The following STXBP2 variants were observed in gnomAD, a reference collection of about 807,000 sequenced individuals.
STXBP2 encodes syntaxin-binding protein 2.
A neutral mutation model predicts 72.2 loss-of-function variants in STXBP2; 47 were observed. The observed-to-expected ratio is 0.65, with a 90% CI of 0.51 to 0.83. STXBP2 has a LOEUF of 0.83. Ranked by LOEUF, STXBP2 falls within the 40% of genes least tolerant of loss-of-function variation. STXBP2 has a pLI of 0.00. For missense variants in STXBP2, 702 were observed against 807.6 expected (o/e 0.87, Z 1.58); for synonymous variants, 367 against 338.7 (o/e 1.08, Z -0.92).
chr19:7,639,603 G>T (rs978023758), intron 3 of STXBP2, 128 bp from the exon 4 acceptor site: 33 of 851,052 alleles, frequency 3.9e-5, no homozygotes, highest in Middle Eastern at 3.3e-4. Flanking sequence ...CCCTAAGTGG[G>T]TTTCTCCTGC....
intron 13 of STXBP2, 61 bp downstream of exon 13, chr19:7,643,306 G>A (rs1271737104): frequency 1.9e-6 from 3 of 1,556,688 alleles, no homozygotes; most frequent in South Asian, 2.3e-5. Flanking sequence ...TATTGGGGAG[G>A]GGCTGAACTG....
chr19:7,644,081 C>T (rs1412868071), intron 13 of STXBP2, among the ~76,000 whole-genome samples: 779 of 123,190 alleles, frequency 6.3e-3, no homozygotes, highest in Non-Finnish European at 7.7e-3. Flanking sequence ...AGGGGTGGAG[C>T]CTTGGAGAGC....
At chr19:7,637,002 G>A, upstream of STXBP2, 1 of 908,252 alleles carries the variant, frequency 1.1e-6, no homozygotes, top group Non-Finnish European at 1.4e-6. Context: ...AACTTCCTGG[G>A]CCTGGGCGAG....
chr19:7,640,839 G>A (rs757419517), intron 5 of STXBP2, 30 bp downstream of exon 5: 2 of 1,613,978 alleles, frequency 1.2e-6, no homozygotes, highest in South Asian at 1.1e-5. Context: ...GGTGTTGGTG[G>A]GTGGGGCAAG....
At chr19:7,637,271 T>C in intron 1 of STXBP2, 85 bp downstream of exon 1, 4 of 985,900 alleles carry the variant, frequency 4.1e-6, no homozygotes, top group Non-Finnish European at 4.8e-6. Context: ...CTGGGTTTCA[T>C]GGCGGCTGGG....
chr19:7,647,186 A>G lies in STXBP2; in HGVS notation c.1477A>G (p.Arg493Gly), dbSNP rs2032169960. Residue 493 changes from arginine to glycine, a missense_variant, in exon 17 of 19, where the codon AGG becomes GGG. By Grantham distance (125) the Arg-to-Gly change is moderately radical (BLOSUM62 -2). Coordinates refer to ENST00000221283, the MANE Select transcript of STXBP2 (RefSeq NM_006949.4). Reference protein sequence around the residue: ...MEDAVEDRLDRNLWPFVSDPA... With the variant: ...MEDAVEDRLDGNLWPFVSDPA... ...GGACGCCGTGGAGGACCGGCTGGAC[A>G]GGAACCTGTGGCCCTTCGTATCCGA... The G allele has an allele frequency of 6.2e-7, 1 of 1,612,018 alleles. No individual in the cohort carries two copies. Among genetic ancestry groups the G allele is most frequent in the Non-Finnish European group, 8.5e-7 (1 of 1,179,876 alleles).
Position 7,647,364 on chromosome 19 carries a change from G to A in STXBP2, c.1549G>A (p.Gly517Ser), listed in dbSNP as rs200026300. 11 of 1,613,282 alleles carry A rather than the reference G, an allele frequency of 6.8e-6. No individual in the cohort carries two copies. The highest frequency in any genetic ancestry group is 6.7e-5 in the Admixed American group (4 of 60,032). Residue 517 changes from glycine to serine, a missense_variant, in exon 18 of 19, where the codon GGT becomes AGT. Transcript: ENST00000221283. ...SSQAAVSARF[G>S]HWHKNKAGIE... ...CCCTGCCCTGCACAGTGCCCGCTTC[G>A]GTCACTGGCACAAGAACAAGGCTGG...
chr19:7,638,134 C>G (rs917613844), intron 1 of STXBP2, among the ~76,000 whole-genome samples: 1 of 152,172 alleles, frequency 6.6e-6, no homozygotes, highest in Non-Finnish European at 1.5e-5. Context: ...TAGATGATCC[C>G]GGTTCTCCTC....
chr19:7,640,392 A>C (rs750978140), intron 4 of STXBP2: 10 of 563,990 alleles, frequency 1.8e-5, no homozygotes, highest in South Asian at 1.4e-4. Context: ...CAGTGTCTGC[A>C]TGTGTGTATA....
intron 6 of STXBP2, 65 bp from the exon 7 acceptor site, chr19:7,641,640 C>T (rs2146215520): frequency 3.9e-6 from 6 of 1,546,744 alleles, no homozygotes; most frequent in South Asian, 1.2e-5. Context: ...GTGGCGGCAG[C>T]GGGAAGCGGG....
At chr19:7,639,137 C>CGTGGGAACCCCTGACT in intron 3 of STXBP2, 37 bp downstream of exon 3, 1 of 1,604,958 alleles carries the variant, frequency 6.2e-7, no homozygotes, top group Non-Finnish European at 8.5e-7. Context: ...GGGACCTGAG[C>CGTGGGAACCCCTGACT]GTGGGAACCC....
chr19:7,632,332 G>A, upstream of STXBP2: 2 of 1,600,278 alleles, frequency 1.2e-6, no homozygotes, highest in South Asian at 2.2e-5. This position sits in a 1 kb window ranked among gnomAD's most constrained non-coding sequence, Gnocchi z 5.2. Flanking sequence ...TGGGGTGGAG[G>A]GCAGGATCGG....
chr19:7,638,941 A>C, intron 2 of STXBP2, 78 bp from the exon 3 acceptor site: 3 of 1,590,728 alleles, frequency 1.9e-6, no homozygotes, highest in Non-Finnish European at 1.7e-6. Context: ...TGCCCCTCCC[A>C]CTGCCTTGGC....
At chr19:7,630,500 G>GT in the STXBP2 span, 5 of 1,242,750 alleles carry the variant, frequency 4.0e-6, no homozygotes, top group Non-Finnish European at 5.7e-6. Flanking sequence ...AGTAGGATGG[G>GT]TCCCCCAGGC....
chr19:7,631,696 G>T, the STXBP2 span: 5 of 1,454,984 alleles, frequency 3.4e-6, no homozygotes, highest in South Asian at 3.0e-5. Flanking sequence ...CCCTCAGGGG[G>T]CTTGTGTCGG....
At chr19:7,644,840 TG>T (rs1224360466) in intron 14 of STXBP2, 88 bp downstream of exon 14, 3 of 1,597,956 alleles carry the variant, frequency 1.9e-6, no homozygotes, top group Middle Eastern at 1.7e-4. Context: ...CAGCTCTCCT[TG>T]GGTCATTTGC....
Position 7,640,883 on chromosome 19 carries a change from C to T in STXBP2, c.326-17C>T, listed in dbSNP as rs1413699908. 5 of 1,613,998 alleles carry T rather than the reference C, an allele frequency of 3.1e-6. No individual in the cohort carries two copies. Among genetic ancestry groups the T allele is most frequent in the Non-Finnish European group, 2.5e-6 (3 of 1,179,866 alleles). Reference sequence around the variant, plus strand: ...GGGGCTGCTCTGGCCTGATGCCCCACTCCTGCCTCACCCCAGCCTGCCCCG... The same window carrying T: ...GGGGCTGCTCTGGCCTGATGCCCCATTCCTGCCTCACCCCAGCCTGCCCCG... On this transcript the variant is annotated splice_polypyrimidine_tract_variant and intron_variant, in intron 5 of 18. Transcript: ENST00000221283.
At position 7,641,869 on chromosome 19, in the gene STXBP2, A is replaced by ACC; in HGVS notation, c.578+16_578+17insCC. On this transcript the variant is annotated intron_variant, in intron 7 of 18. Coordinates refer to ENST00000221283, the MANE Select transcript of STXBP2 (RefSeq NM_006949.4). ...GCTACCGCAAGTGGGGACCCCACCC[A>ACC]GCCCCACCCCGATGCCGACCCCCCC... 1 of 394,518 alleles carries ACC rather than the reference A, an allele frequency of 2.5e-6. No homozygotes were observed. Among genetic ancestry groups the ACC allele is most frequent in the Non-Finnish European group, 3.9e-6 (1 of 257,408 alleles). The allele number at this position is 394,518 out of a possible 1,614,324, so 24.4% of individuals were successfully genotyped here.
chr19:7,642,334 G>A lies in STXBP2; in HGVS notation c.794+1G>A. The A allele has an allele frequency of 6.2e-7, 1 of 1,613,866 alleles. No individual in the cohort carries two copies. Among genetic ancestry groups the A allele is most frequent in the Non-Finnish European group, 8.5e-7 (1 of 1,179,766 alleles). On this transcript the variant is annotated splice_donor_variant, in intron 9 of 18. Coordinates refer to ENST00000221283, the MANE Select transcript of STXBP2 (RefSeq NM_006949.4). LOFTEE classifies it high-confidence loss of function. This position sits in a 1 kb window ranked among gnomAD's most constrained non-coding sequence, Gnocchi z 6.0. ...TGGACATAGAGCAGGACACATACAG[G>A]TCTGCAGACTTGGAACCCGTCCCCA...
Sources: allele counts gnomAD v4.1 joint callset (sites outside exome capture counted in the v4.1 genomes callset), GRCh38; gene constraint gnomAD v4.1.1; non-coding constraint Gnocchi (gnomAD v3.1); transcripts MANE v1.5; gene names NCBI Gene and HGNC (gene_info 2026-07-23, HGNC 2026-07-21).